LILRB3: variants seen among roughly 807,000 people sequenced by gnomAD.
LILRB3 encodes the protein leukocyte immunoglobulin-like receptor subfamily B member 3.
Under a neutral mutation model 68.2 loss-of-function variants are expected in LILRB3, and 32 were observed. The ratio of observed to expected loss-of-function variants is 0.47; its 90% CI spans 0.35 to 0.63. The LOEUF (loss-of-function observed/expected upper bound fraction) is 0.63. Among genes scored for constraint, LILRB3 ranks in the 30% least tolerant of loss-of-function variants. The pLI is 0.00. For synonymous variants in LILRB3, 185 were observed against 323.1 expected (o/e 0.57, Z 4.58); for missense variants, 502 against 791.3 (o/e 0.63, Z 4.39).
At chr19:54,219,471 G>T in intron 7 of LILRB3, 3 of 1,547,226 alleles carry the variant, frequency 1.9e-6, no homozygotes, top group Non-Finnish European at 2.6e-6. Flanking sequence ...GCTGGGAAGG[G>T]AGCCCGGGAG....
At position 54,218,432 on chromosome 19, in the gene LILRB3, G is replaced by A. The variant is rs368255236; in HGVS notation, c.1541-19C>T. 1 of 1,613,850 alleles carries A rather than the reference G, an allele frequency of 6.2e-7. No individual in the cohort carries two copies. Among genetic ancestry groups the A allele is most frequent in the Non-Finnish European group, 8.5e-7 (1 of 1,179,886 alleles). ...GCAGCATCTGCTGGGGCAGAGCAAG[G>A]GGTTCGTCTCCTGGTTCTCTGAGAC... On this transcript the variant is annotated intron_variant, in intron 10 of 12. Coordinates refer to ENST00000445347, the Ensembl canonical transcript of LILRB3.
exon 13 of LILRB3, chr19:54,216,737 G>A (rs902896353): frequency 2.6e-6 from 3 of 1,141,744 alleles, no homozygotes; most frequent in Middle Eastern, 3.7e-4. Context: ...AGGCTGGAGT[G>A]CAGTGGCACA....
intron 7 of LILRB3, 50 bp from the exon 8 acceptor site, chr19:54,219,295 C>G (rs1303506536): frequency 6.6e-7 from 1 of 1,515,700 alleles, no homozygotes; most frequent in African/African-American, 1.4e-5. Flanking sequence ...ATGTGAGCAC[C>G]TACTGTGTGC....
chr19:54,221,091 A>G, exon 5 of LILRB3: 1 of 1,343,650 alleles, frequency 7.4e-7, no homozygotes, highest in South Asian at 1.2e-5. Context: ...ACCTGTGATC[A>G]GGATGTCCAG....
At chr19:54,219,460 A>T in intron 7 of LILRB3, 1 of 1,541,404 alleles carries the variant, frequency 6.5e-7, no homozygotes, top group Non-Finnish European at 8.8e-7. Flanking sequence ...GAAGCGGCAG[A>T]GCTGGGAAGG....
In LILRB3 at chr19:54,220,519, C is replaced by G. The variant is rs200018123; in HGVS notation, c.1258+9G>C. 0.11 allele frequency: 138,957 copies of G among 1,320,658 alleles called. 9,874 individuals carry two copies. Among genetic ancestry groups the G allele is most frequent in the South Asian group, 0.26 (20,584 of 78,158 alleles). 81.8% of individuals were successfully genotyped at this position (1,320,658 alleles called of 1,614,324 possible). The stretch of plus-strand genomic sequence containing the variant: ...TTGAGCTCAGAGAGGACGGGGTCAG[C>G]GCCCTCACCTGAGACCATGAGTTCC... On this transcript the variant is annotated intron_variant, in intron 6 of 12. Transcript: ENST00000445347.
chr19:54,216,663 T>C (rs1263198858), exon 13 of LILRB3: 17 of 1,039,636 alleles, frequency 1.6e-5, no homozygotes, highest in Non-Finnish European at 1.9e-5. Context: ...AATATTTACA[T>C]TATCATTCAG....
chr19:54,219,476 C>T (rs1422005262), intron 7 of LILRB3: 44 of 1,548,260 alleles, frequency 2.8e-5, no homozygotes, highest in Admixed American at 5.9e-5. Flanking sequence ...GAAGGGAGCC[C>T]GGGAGTCTGA....
Position 54,222,134 on chromosome 19 carries a change from GGAGA to G in LILRB3, c.356-8_356-5del. 6.2e-7 allele frequency: 1 copy of G among 1,607,440 alleles called. No homozygotes were observed. Among genetic ancestry groups the G allele is most frequent in the Non-Finnish European group, 8.5e-7 (1 of 1,178,732 alleles). ...AGGGTGGGTTTGTTGTAGAATCCTA[GGAGA>G]GAAAGAGGCACCGTGTTAAATGGGG... On this transcript the variant is annotated splice_region_variant and splice_polypyrimidine_tract_variant and intron_variant, in intron 3 of 12. Transcript: ENST00000445347.
chr19:54,220,815 G>C (rs1449319009), exon 6 of LILRB3: 1 of 1,459,986 alleles, frequency 6.8e-7, no homozygotes, highest in Admixed American at 2.3e-5. Context: ...CAGGGAGACG[G>C]TGTCATAGAT....
chr19:54,218,818 G>A lies in LILRB3; in HGVS notation c.1447C>T (p.Gln483Ter), dbSNP rs764383118. The change falls in exon 9 of 13, where the codon CAG becomes TAG. Residue 483 changes from glutamine (Q) to a stop codon, truncating the protein, a stop_gained. Coordinates refer to ENST00000445347, the Ensembl canonical transcript of LILRB3. LOFTEE classifies it high-confidence loss of function. ...GTCTCCGCAGCCCCTGCAGGACGCT[G>A]GAAATCAGTCTTTCTCTGGTCTGGG... The A allele has an allele frequency of 6.2e-7, 1 of 1,614,138 alleles. No homozygotes were observed. The highest frequency in any genetic ancestry group is 8.5e-7 in the Non-Finnish European group (1 of 1,180,018).
chr19:54,216,734 A>AG (rs1421302577), exon 13 of LILRB3: 2 of 1,136,026 alleles, frequency 1.8e-6, no homozygotes, highest in Non-Finnish European at 2.2e-6. Context: ...CACAGGCTGG[A>AG]GTGCAGTGGC....
chr19:54,218,908 G>C (rs1482188203), intron 8 of LILRB3, 70 bp from the exon 9 acceptor site: 11 of 1,598,834 alleles, frequency 6.9e-6, no homozygotes, highest in Non-Finnish European at 9.4e-6. Context: ...GCAACTTGAG[G>C]GAAAGAAGGA....
At chr19:54,217,743 C>T in intron 11 of LILRB3, 1 of 640,890 alleles carries the variant, frequency 1.6e-6, no homozygotes, top group South Asian at 2.0e-5. Flanking sequence ...GCTGTTTCCT[C>T]TGCCTGCAGG....
At chr19:54,218,657 C>T (rs767499680) in exon 10 of LILRB3, 3 of 1,614,186 alleles carry the variant, frequency 1.9e-6, no homozygotes, top group South Asian at 2.2e-5. Context: ...AGGTTTTCTT[C>T]CTGGACGTCA....
intron 2 of LILRB3, 52 bp downstream of exon 2, chr19:54,222,695 C>G (rs1257415683): frequency 9.3e-6 from 15 of 1,612,338 alleles, no homozygotes; most frequent in Non-Finnish European, 1.3e-5. Flanking sequence ...CCATGGGTGG[C>G]CCCCTGTCCC....
chr19:54,219,441 T>C (rs4806725), intron 7 of LILRB3, 196 bp from the exon 8 acceptor site: 177,679 of 1,523,162 alleles, frequency 0.12, 11,227 homozygotes, highest in African/African-American at 0.2. Flanking sequence ...GCCCCAGGCC[T>C]CCAGCGAGGA....
In LILRB3 at chr19:54,222,743, T is replaced by A; in HGVS notation, c.70+4A>T. 1 of 1,612,570 alleles carries A rather than the reference T, an allele frequency of 6.2e-7. No individual in the cohort carries two copies. Among genetic ancestry groups the A allele is most frequent in the Non-Finnish European group, 8.5e-7 (1 of 1,179,864 alleles). ...GGACCTGGGACAGCTGGGGACAGAC[T>A]CACCTGCCTGCATGCGGGTCCTGGG... On this transcript the variant is annotated splice_donor_region_variant and intron_variant, in intron 2 of 12. Transcript: ENST00000445347.
exon 11 of LILRB3, chr19:54,218,385 C>T (rs1194160656): frequency 1.9e-6 from 3 of 1,614,038 alleles, no homozygotes; most frequent in Admixed American, 1.7e-5. Context: ...CCACCCTGTC[C>T]TCAGACTGTG....
Sources: allele counts gnomAD v4.1 joint callset, GRCh38; gene constraint gnomAD v4.1.1; transcripts MANE v1.5; gene names NCBI Gene and HGNC (gene_info 2026-07-23, HGNC 2026-07-21).